Variants in GUCY2C observed in about 807,000 individuals in gnomAD.
GUCY2C encodes guanylate cyclase 2C, also known as guanylyl cyclase C.
A neutral mutation model predicts 131.1 loss-of-function variants in GUCY2C; 118 were observed. The observed-to-expected ratio is 0.90, with a 90% CI of 0.78 to 1.05. The LOEUF is 1.05. Among genes scored for constraint, GUCY2C ranks in the 50% least tolerant of loss-of-function variants. The probability of loss-of-function intolerance (pLI) is 0.00; values close to 1 mark genes in which losing one functional copy is unlikely to be tolerated. For synonymous variants in GUCY2C, 452 were observed against 457.8 expected (o/e 0.99, Z 0.16); for missense variants, 1,161 against 1,304.4 (o/e 0.89, Z 1.69).
Position 14,641,174 on chromosome 12 carries a change from T to C in GUCY2C, c.1976A>G (p.Gln659Arg), listed in dbSNP as rs1264278319. The change falls in exon 18 of 27, where the codon CAG (glutamine) becomes CGG (arginine). Residue 659 changes from glutamine to arginine, a missense_variant. Physicochemically the swap from Gln to Arg is conservative, Grantham distance 43. Transcript: ENST00000261170. ...PEHLRQANIS[Q>R]KGDVYSYGII... ...CCCATAGCTGTACACATCTCCTTTC[T>C]GAGAGATGTTGGCTTGGCGGAGGTG... 2.5e-6 allele frequency: 4 copies of C among 1,612,862 alleles called. No homozygotes were observed. Among genetic ancestry groups the C allele is most frequent in the East Asian group, 4.5e-5 (2 of 44,872 alleles).
chr12:14,693,637 G>C (rs1199521184), intron 1 of GUCY2C, among the ~76,000 whole-genome samples: 2 of 152,134 alleles, frequency 1.3e-5, no homozygotes, highest in African/African-American at 4.8e-5. Context: ...TGTACCTTTT[G>C]TGTTTACTAT....
intron 15 of GUCY2C, among the ~76,000 whole-genome samples, chr12:14,648,131 T>G (rs1022710609): frequency 6.6e-6 from 1 of 152,006 alleles, no homozygotes; most frequent in Non-Finnish European, 1.5e-5. Flanking sequence ...CGGCTAATTT[T>G]TTGTATTTTT....
chr12:14,667,251 A>T (rs1046020501), intron 10 of GUCY2C, among the ~76,000 whole-genome samples: 1 of 152,256 alleles, frequency 6.6e-6, no homozygotes, highest in South Asian at 2.1e-4. Context: ...AAAAAGTTAC[A>T]AAAGAAGTTG....
chr12:14,695,977 A>T (rs1264298525), intron 1 of GUCY2C, among the ~76,000 whole-genome samples: 1 of 152,164 alleles, frequency 6.6e-6, no homozygotes, highest in African/African-American at 2.4e-5. Flanking sequence ...TTTAACTGGG[A>T]CGTTTCACTG....
chr12:14,620,934 A>G, intron 23 of GUCY2C, 108 bp downstream of exon 23: 1 of 858,330 alleles, frequency 1.2e-6, no homozygotes, highest in Non-Finnish European at 1.8e-6. Context: ...ATTAAGAGTA[A>G]AAATTATGTG....
Position 14,686,238 on chromosome 12 carries a change from AAAC to A in GUCY2C, c.331-16_331-14del, listed in dbSNP as rs1402067849. 1 of 1,582,914 alleles carries A rather than the reference AAAC, an allele frequency of 6.3e-7. No homozygotes were observed. The highest frequency in any genetic ancestry group is 1.7e-5 in the Admixed American group (1 of 59,954). ...TCCGTTGTGCATTCTGTAGGAGAGA[AAAC>A]AACAATGAATTCCTAGAACTAAGAA... is the stretch of plus-strand genomic sequence containing the variant. On this transcript the variant is annotated splice_polypyrimidine_tract_variant and intron_variant, in intron 2 of 26. Coordinates refer to ENST00000261170, the MANE Select transcript of GUCY2C (RefSeq NM_004963.4).
chr12:14,651,330 TA>T, intron 15 of GUCY2C, 76 bp downstream of exon 15: 1 of 751,704 alleles, frequency 1.3e-6, no homozygotes. Context: ...AATATTATTT[TA>T]CTCGGTAAAT....
intron 1 of GUCY2C, among the ~76,000 whole-genome samples, chr12:14,692,571 G>C (rs1328359770): frequency 6.6e-6 from 1 of 152,202 alleles, no homozygotes; most frequent in East Asian, 1.9e-4. Flanking sequence ...TCCTAGGCCA[G>C]GTGCGGTGGC....
chr12:14,635,749 C>G (rs956425013), intron 19 of GUCY2C, among the ~76,000 whole-genome samples: 1 of 151,782 alleles, frequency 6.6e-6, no homozygotes, highest in African/African-American at 2.4e-5. Context: ...TCCAAATAAA[C>G]AAAATCAGAA....
At chr12:14,631,166 T>C (rs1219488981) in intron 19 of GUCY2C, among the ~76,000 whole-genome samples, 2 of 152,246 alleles carry the variant, frequency 1.3e-5, no homozygotes, top group African/African-American at 4.8e-5. Flanking sequence ...AAAATGTTTC[T>C]ATTTTTATCC....
intron 7 of GUCY2C, among the ~76,000 whole-genome samples, chr12:14,675,228 AAG>A (rs1948206257): frequency 6.9e-6 from 1 of 144,356 alleles, no homozygotes; most frequent in East Asian, 2.0e-4. Context: ...AAAAAAAAAA[AAG>A]AAAAAAAGAA....
Position 14,613,295 on chromosome 12 carries a change from G to C in GUCY2C, c.3048-4C>G, listed in dbSNP as rs1186240392. The stretch of plus-strand genomic sequence containing the variant: ...TTGCAAACGCTGTTGATTCTCCCTG[G>C]AAACAGAGTGGGAAGAGAAAATAGA... On this transcript the variant is annotated splice_polypyrimidine_tract_variant and splice_region_variant and intron_variant, in intron 26 of 26. Transcript: ENST00000261170. The surrounding 1 kb of genome is among the most constrained non-coding windows in gnomAD (Gnocchi z 4.9). 3 of 1,607,892 alleles carry C rather than the reference G, an allele frequency of 1.9e-6. No homozygotes were observed. The highest frequency in any genetic ancestry group is 2.6e-6 in the Non-Finnish European group (3 of 1,174,728).
chr12:14,682,177 G>T (rs1389891228), intron 4 of GUCY2C, among the ~76,000 whole-genome samples: 1 of 152,124 alleles, frequency 6.6e-6, no homozygotes, highest in Non-Finnish European at 1.5e-5. Flanking sequence ...AATGATACCT[G>T]ATATGGTTAG....
intron 24 of GUCY2C, 56 bp from the exon 25 acceptor site, chr12:14,616,783 C>T (rs1331614278): frequency 1.1e-6 from 1 of 949,082 alleles, no homozygotes; most frequent in Non-Finnish European, 1.7e-6. Flanking sequence ...CTATTTGTTT[C>T]CCGTTGATTC....
intron 15 of GUCY2C, among the ~76,000 whole-genome samples, chr12:14,648,733 T>C (rs553866223): frequency 6.6e-6 from 1 of 152,362 alleles, no homozygotes; most frequent in Admixed American, 6.5e-5. Flanking sequence ...TTGTTATTTA[T>C]GTTGATACCT....
Position 14,621,197 on chromosome 12 carries a change from G to C in GUCY2C, c.2621C>G (p.Ala874Gly). The C allele has an allele frequency of 6.2e-7, 1 of 1,612,884 alleles. No homozygotes were observed. Among genetic ancestry groups the C allele is most frequent in the Non-Finnish European group, 8.5e-7 (1 of 1,179,450 alleles). Residue 874 changes from alanine (A) to glycine (G), a missense_variant, in exon 23 of 27, where the codon GCG becomes GGG. Transcript: ENST00000261170. ...DVYKVETIGD[A>G]YMVASGLPKR... ...AGGCAAACCACTAGCCACCATGTACGCATCACCGATGGTTTCCACCTGTGG... is the reference window on the plus strand; with the variant it reads ...AGGCAAACCACTAGCCACCATGTACCCATCACCGATGGTTTCCACCTGTGG...
chr12:14,642,178 G>A (rs1397351166), intron 17 of GUCY2C, among the ~76,000 whole-genome samples: 1 of 151,992 alleles, frequency 6.6e-6, no homozygotes, highest in African/African-American at 2.4e-5. Flanking sequence ...AAAAAGTATC[G>A]CATGTAATTT....
At chr12:14,619,165 G>GAAAACAGCATCTTTGTCCTCTGAGA (rs1555156999) in intron 24 of GUCY2C, 46 bp downstream of exon 24, 1 of 1,150,228 alleles carries the variant, frequency 8.7e-7, no homozygotes. Flanking sequence ...CCCTCTGCTG[G>GAAAACAGCATCTTTGTCCTCTGAGA]AAAACAGCAT....
At chr12:14,648,216 T>C (rs1045325396) in intron 15 of GUCY2C, among the ~76,000 whole-genome samples, 3 of 151,148 alleles carry the variant, frequency 2.0e-5, no homozygotes, top group Non-Finnish European at 4.4e-5. Context: ...CGCCTCTGCC[T>C]CCCAAAGTGA....
Sources: allele counts gnomAD v4.1 joint callset (sites outside exome capture counted in the v4.1 genomes callset), GRCh38; gene constraint gnomAD v4.1.1; non-coding constraint Gnocchi (gnomAD v3.1); transcripts MANE v1.5; gene names NCBI Gene and HGNC (gene_info 2026-07-23, HGNC 2026-07-21).